The following THSD4 variants were observed in gnomAD, a reference collection of about 807,000 sequenced individuals.
THSD4 encodes the protein thrombospondin type-1 domain-containing protein 4.
Under a neutral mutation model 119.0 loss-of-function variants are expected in THSD4, and 69 were observed. The observed-to-expected ratio is 0.58, with a 90% CI of 0.48 to 0.71. The LOEUF is 0.71. THSD4 is among the 30% of genes least tolerant of loss of function. The probability of loss-of-function intolerance (pLI) is 0.00; values close to 1 mark genes in which losing one functional copy is unlikely to be tolerated. For synonymous variants in THSD4, 524 were observed against 540.4 expected (o/e 0.97, Z 0.42); for missense variants, 1,393 against 1,391.1 (o/e 1.00, Z -0.02).
At chr15:71,589,349 T>A (rs1411675259) in intron 7 of THSD4, among the ~76,000 whole-genome samples, 1 of 128,146 alleles carries the variant, frequency 7.8e-6, no homozygotes, top group Non-Finnish European at 1.7e-5. Flanking sequence ...ATATAAATTA[T>A]TTATTTATTT....
intron 3 of THSD4, among the ~76,000 whole-genome samples, chr15:71,192,121 C>T (rs2043677268): frequency 6.6e-6 from 1 of 151,924 alleles, no homozygotes; most frequent in South Asian, 2.1e-4. Flanking sequence ...ACAGGCTAGT[C>T]TTGAACTCCT....
At chr15:71,410,487 G>A (rs748009634) in intron 6 of THSD4, among the ~76,000 whole-genome samples, 32 of 152,136 alleles carry the variant, frequency 2.1e-4, no homozygotes, top group Admixed American at 7.2e-4. Context: ...CTAGAGAGAG[G>A]GAGTGCTTAG....
intron 8 of THSD4, among the ~76,000 whole-genome samples, chr15:71,694,030 AG>A (rs2052110651): frequency 6.6e-6 from 1 of 152,056 alleles, no homozygotes. Flanking sequence ...AAAAAAAGAA[AG>A]AAAGAAAGAA....
chr15:71,774,754 G>A (rs2053883901), intron 17 of THSD4, among the ~76,000 whole-genome samples: 1 of 150,398 alleles, frequency 6.6e-6, no homozygotes, highest in African/African-American at 2.5e-5. Flanking sequence ...CTCAGCCTGA[G>A]CAACACAGAA....
At chr15:71,160,034 G>A (rs2043236982) in intron 3 of THSD4, among the ~76,000 whole-genome samples, 2 of 152,070 alleles carry the variant, frequency 1.3e-5, no homozygotes, top group Non-Finnish European at 2.9e-5. Context: ...ATGAAGGAAT[G>A]TTGAATTTTG....
chr15:71,597,385 A>ACCC (rs1289858784), intron 7 of THSD4, among the ~76,000 whole-genome samples: 1 of 152,110 alleles, frequency 6.6e-6, no homozygotes, highest in African/African-American at 2.4e-5. Flanking sequence ...ACACACACAC[A>ACCC]CCCACAGATA....
chr15:71,668,089 T>A (rs2141008855), intron 8 of THSD4, among the ~76,000 whole-genome samples: 1 of 152,350 alleles, frequency 6.6e-6, no homozygotes, highest in Non-Finnish European at 1.5e-5. Flanking sequence ...CCATTATTTA[T>A]TTAGGTACTT....
At chr15:71,412,594 A>G (rs1037696960) in intron 7 of THSD4, among the ~76,000 whole-genome samples, 5 of 152,190 alleles carry the variant, frequency 3.3e-5, no homozygotes, top group Non-Finnish European at 7.3e-5. Context: ...TTAGCACTCT[A>G]TAGCTAGCTG....
intron 4 of THSD4, among the ~76,000 whole-genome samples, chr15:71,225,145 A>G (rs1255515289): frequency 3.3e-5 from 2 of 59,776 alleles, no homozygotes; most frequent in Non-Finnish European, 8.1e-5. Flanking sequence ...CAGAAAAATG[A>G]AGAAGAGGAA....
At chr15:71,536,044 G>A (rs1294662012) in intron 7 of THSD4, among the ~76,000 whole-genome samples, 1 of 152,136 alleles carries the variant, frequency 6.6e-6, no homozygotes, top group Non-Finnish European at 1.5e-5. Flanking sequence ...CCTTCTAAGA[G>A]TTTTAAAATC....
chr15:71,646,593 C>G (rs2050973310), intron 7 of THSD4, among the ~76,000 whole-genome samples: 1 of 152,216 alleles, frequency 6.6e-6, no homozygotes, highest in Admixed American at 6.5e-5. Context: ...ACATAATATG[C>G]ATTGAGTTCC....
At chr15:71,243,708 T>C (rs1454221253) in intron 5 of THSD4, among the ~76,000 whole-genome samples, 1 of 152,146 alleles carries the variant, frequency 6.6e-6, no homozygotes, top group Non-Finnish European at 1.5e-5. Context: ...AAATATTTAT[T>C]GATTTTATCT....
At chr15:71,502,382 G>C (rs1187749063) in intron 7 of THSD4, among the ~76,000 whole-genome samples, 1 of 152,148 alleles carries the variant, frequency 6.6e-6, no homozygotes, top group Non-Finnish European at 1.5e-5. Context: ...GAAAATAATG[G>C]GTATGTTTCT....
At chr15:71,323,024 G>C (rs1226033652) in intron 6 of THSD4, among the ~76,000 whole-genome samples, 1 of 150,888 alleles carries the variant, frequency 6.6e-6, no homozygotes, top group African/African-American at 2.4e-5. Context: ...CTGAGCCTGG[G>C]AGGTTGAGGC....
chr15:71,263,331 G>GTGTATATATA (rs1555458973), intron 6 of THSD4, among the ~76,000 whole-genome samples: 6 of 138,836 alleles, frequency 4.3e-5, no homozygotes, highest in African/African-American at 1.1e-4. Context: ...GTATTCCATG[G>GTGTATATATA]TATATATATA....
At chr15:71,112,693 T>C (rs1257463511), upstream of THSD4, among the ~76,000 whole-genome samples, 1 of 152,230 alleles carries the variant, frequency 6.6e-6, no homozygotes, top group Non-Finnish European at 1.5e-5. Flanking sequence ...CACATATTCT[T>C]GGCTCTCTCT....
intron 7 of THSD4, among the ~76,000 whole-genome samples, chr15:71,632,401 A>G (rs1261451292): frequency 6.6e-6 from 1 of 152,202 alleles, no homozygotes; most frequent in Non-Finnish European, 1.5e-5. Context: ...TTACCGGGTC[A>G]TGTAACTCTT....
chr15:71,397,264 C>T (rs184763869), intron 6 of THSD4, among the ~76,000 whole-genome samples: 1 of 152,280 alleles, frequency 6.6e-6, no homozygotes, highest in East Asian at 1.9e-4. Flanking sequence ...AACTCCTTCT[C>T]CTCTTTCACA....
intron 7 of THSD4, among the ~76,000 whole-genome samples, chr15:71,611,911 G>C (rs2050237596): frequency 1.3e-5 from 2 of 152,188 alleles, no homozygotes; most frequent in South Asian, 4.1e-4. Context: ...ATGGGAAATG[G>C]CTGTAAATTA....
Sources: allele counts gnomAD v4.1 joint callset (sites outside exome capture counted in the v4.1 genomes callset), GRCh38; gene constraint gnomAD v4.1.1; transcripts MANE v1.5; gene names NCBI Gene and HGNC (gene_info 2026-07-23, HGNC 2026-07-21).